NALCN: variants seen among roughly 807,000 people sequenced by gnomAD.
NALCN encodes the protein sodium leak channel NALCN.
A neutral mutation model predicts 225.3 loss-of-function variants in NALCN; 111 were observed. The ratio of observed to expected loss-of-function variants is 0.49; its 90% CI spans 0.42 to 0.58. The LOEUF (loss-of-function observed/expected upper bound fraction) is 0.58, where lower values mean the gene tolerates loss of function less well. Among genes scored for constraint, NALCN ranks in the 20% least tolerant of loss-of-function variants. The pLI is 0.00. For synonymous variants in NALCN, 764 were observed against 769.0 expected, an observed-to-expected ratio of 0.99 and a Z score of 0.11; for missense variants, 1,378 against 2,202.4, an observed-to-expected ratio of 0.63 and a Z score of 7.49.
At chr13:101,140,561 T>G (rs1283882421) in intron 17 of NALCN, among the ~76,000 whole-genome samples, 1 of 152,210 alleles carries the variant, frequency 6.6e-6, no homozygotes, top group Non-Finnish European at 1.5e-5. Context: ...GACTTCTGGC[T>G]TACAATCTGC....
intron 14 of NALCN, among the ~76,000 whole-genome samples, chr13:101,188,778 A>G (rs925602607): frequency 1.2e-5 from 1 of 81,350 alleles, no homozygotes; most frequent in African/African-American, 8.9e-5. Context: ...CCCACCTCCC[A>G]GATTCAAGTG....
intron 7 of NALCN, among the ~76,000 whole-genome samples, chr13:101,323,386 TAACA>T (rs1353324292): frequency 6.6e-6 from 1 of 152,232 alleles, no homozygotes; most frequent in African/African-American, 2.4e-5. Flanking sequence ...CTGTTGACAT[TAACA>T]AACAATCTGT....
chr13:101,071,215 C>T (rs906058990), intron 37 of NALCN, among the ~76,000 whole-genome samples: 2 of 152,222 alleles, frequency 1.3e-5, no homozygotes, highest in African/African-American at 4.8e-5. Flanking sequence ...GGTAAATGAG[C>T]ATTGGCTTCC....
intron 39 of NALCN, among the ~76,000 whole-genome samples, chr13:101,067,211 T>G (rs1354557706): frequency 7.9e-6 from 1 of 126,662 alleles, no homozygotes. Flanking sequence ...GAGGAGAAGG[T>G]AGAGGAAGGG....
intron 18 of NALCN, among the ~76,000 whole-genome samples, chr13:101,123,664 A>G (rs1374752454): frequency 6.6e-6 from 1 of 152,204 alleles, no homozygotes; most frequent in Non-Finnish European, 1.5e-5. Context: ...GTCAGCCAAT[A>G]TTGAGAGAAA....
intron 15 of NALCN, among the ~76,000 whole-genome samples, chr13:101,175,021 G>C (rs1333694192): frequency 6.6e-6 from 1 of 152,070 alleles, no homozygotes; most frequent in Admixed American, 6.6e-5. Context: ...ATTTTTTTCT[G>C]CAACTAGAAG....
chr13:101,228,148 ACT>A (rs2041216813), intron 13 of NALCN, among the ~76,000 whole-genome samples: 1 of 150,876 alleles, frequency 6.6e-6, no homozygotes, highest in African/African-American at 2.4e-5. Flanking sequence ...CTTTAAAGGC[ACT>A]CGACAAATCC....
chr13:101,306,876 G>A (rs538107544), intron 7 of NALCN, among the ~76,000 whole-genome samples: 4 of 152,168 alleles, frequency 2.6e-5, no homozygotes, highest in Non-Finnish European at 5.9e-5. Flanking sequence ...TTTGTGTGGA[G>A]GAAGTTCAGG....
chr13:101,103,083 A>G, intron 26 of NALCN, 89 bp downstream of exon 26: 1 of 1,462,214 alleles, frequency 6.8e-7, no homozygotes, highest in Non-Finnish European at 9.3e-7. Context: ...TATTGAATTG[A>G]CCTCAATAAG....
chr13:101,231,281 T>C (rs1295371287), intron 12 of NALCN, among the ~76,000 whole-genome samples: 1 of 152,142 alleles, frequency 6.6e-6, no homozygotes, highest in African/African-American at 2.4e-5. Flanking sequence ...AAGTAATTAA[T>C]TGACAAATTT....
At chr13:101,192,254 A>G (rs1566410405) in intron 13 of NALCN, among the ~76,000 whole-genome samples, 200 bp from the exon 14 acceptor site, 1 of 152,228 alleles carries the variant, frequency 6.6e-6, no homozygotes, top group Non-Finnish European at 1.5e-5. Context: ...TTTGATGTGG[A>G]ATAAGAAAAT....
At chr13:101,260,385 C>T (rs535340319) in intron 10 of NALCN, among the ~76,000 whole-genome samples, 8 of 152,254 alleles carry the variant, frequency 5.3e-5, no homozygotes, top group African/African-American at 1.9e-4. Flanking sequence ...TGGGTATATG[C>T]CCAGCAGTGG....
intron 7 of NALCN, among the ~76,000 whole-genome samples, chr13:101,323,582 C>G (rs534587): frequency 0.41 from 62,042 of 152,056 alleles, 12,996 homozygotes; most frequent in Middle Eastern, 0.47. Context: ...TTGAAAATTA[C>G]CCTAATCCAA....
intron 7 of NALCN, among the ~76,000 whole-genome samples, chr13:101,327,363 T>C (rs1279439015): frequency 6.8e-6 from 1 of 146,432 alleles, no homozygotes; most frequent in East Asian, 2.0e-4. Context: ...CATTTTCAAG[T>C]AATTTTTCTA....
Position 101,286,878 on chromosome 13 carries a change from C to G in NALCN, c.1048-2859G>C, listed in dbSNP as rs570229465. Among the ~76,000 whole-genome samples, 19 of 151,828 alleles carry G rather than the reference C, an allele frequency of 1.3e-4. No homozygotes were observed. In the South Asian group the frequency reaches 3.3e-3, roughly 27 times the overall value. ...TCCAGGTATTATACACACACACACA[C>G]ACACACACACACACACACACCTGCA... is the stretch of plus-strand genomic sequence containing the variant. On this transcript the variant is annotated intron_variant, in intron 9 of 43. Coordinates refer to ENST00000251127, the MANE Select transcript of NALCN (RefSeq NM_052867.4).
At position 101,395,330 on chromosome 13, in the gene NALCN, G is replaced by C. The variant is rs2047259666; in HGVS notation, c.144C>G (p.Ile48Met). ...VHSLLRICAI[I>M]SVISVCMNTP... ...TATTCATACAAACAGAAATGACGCT[G>C]ATGATGGCACAGATGCGCAGCAAAG... The change falls in exon 3 of 44, where the codon ATC (isoleucine) becomes ATG (methionine). Residue 48 changes from isoleucine (I) to methionine (M), a missense_variant. Transcript: ENST00000251127. 1 of 1,613,918 alleles carries C rather than the reference G, an allele frequency of 6.2e-7. No homozygotes were observed. Among genetic ancestry groups the C allele is most frequent in the Non-Finnish European group, 8.5e-7 (1 of 1,179,964 alleles).
At chr13:101,103,528 G>A (rs1417426505) in intron 25 of NALCN, among the ~76,000 whole-genome samples, 189 bp from the exon 26 acceptor site, 1 of 150,662 alleles carries the variant, frequency 6.6e-6, no homozygotes, top group Non-Finnish European at 1.5e-5. Context: ...AAGTCATCAT[G>A]TGTATGCAGG....
At chr13:101,184,449 G>C (rs886538579) in intron 14 of NALCN, among the ~76,000 whole-genome samples, 3 of 152,064 alleles carry the variant, frequency 2.0e-5, no homozygotes, top group Non-Finnish European at 1.5e-5. Flanking sequence ...CTCTGAAACA[G>C]CCCAGATTCA....
chr13:101,230,035 C>A (rs538342806), intron 12 of NALCN, among the ~76,000 whole-genome samples: 1 of 152,210 alleles, frequency 6.6e-6, no homozygotes, highest in South Asian at 2.1e-4. Context: ...CACTTTGTTT[C>A]ATGCATAAAA....
Sources: allele counts gnomAD v4.1 joint callset (sites outside exome capture counted in the v4.1 genomes callset), GRCh38; gene constraint gnomAD v4.1.1; transcripts MANE v1.5; gene names NCBI Gene and HGNC (gene_info 2026-07-23, HGNC 2026-07-21).